The following GRM8 variants were observed in gnomAD, a reference collection of about 807,000 sequenced individuals.
The protein encoded by GRM8 is metabotropic glutamate receptor 8.
Under a neutral mutation model 87.2 loss-of-function variants are expected in GRM8, and 47 were observed. The observed-to-expected ratio is 0.54, with a 90% CI of 0.43 to 0.69. The LOEUF (loss-of-function observed/expected upper bound fraction) is 0.69, where lower values mean the gene tolerates loss of function less well. GRM8 is among the 30% of genes least tolerant of loss of function. The probability of loss-of-function intolerance (pLI) is 0.00; values close to 1 mark genes in which losing one functional copy is unlikely to be tolerated. For synonymous variants in GRM8, 396 were observed against 404.5 expected (o/e 0.98, Z 0.25); for missense variants, 1,019 against 1,139.2 (o/e 0.89, Z 1.52).
At chr7:127,107,371 A>G (rs988872129) in intron 2 of GRM8, among the ~76,000 whole-genome samples, 1 of 152,216 alleles carries the variant, frequency 6.6e-6, no homozygotes, top group African/African-American at 2.4e-5. Flanking sequence ...AATCCAGACC[A>G]TAAATTCTTT....
intron 9 of GRM8, among the ~76,000 whole-genome samples, chr7:126,462,192 C>T (rs1803963519): frequency 6.6e-6 from 1 of 151,114 alleles, no homozygotes; most frequent in African/African-American, 2.4e-5. Flanking sequence ...TGAACTTTTC[C>T]AAGTGTGAAA....
intron 6 of GRM8, among the ~76,000 whole-genome samples, chr7:126,779,850 T>C (rs1311232645): frequency 6.6e-6 from 1 of 152,072 alleles, no homozygotes; most frequent in Non-Finnish European, 1.5e-5. Context: ...CACGGAAAAA[T>C]ATAAAATAGC....
intron 3 of GRM8, among the ~76,000 whole-genome samples, chr7:126,991,636 T>C (rs1812664226): frequency 6.6e-6 from 1 of 151,944 alleles, no homozygotes; most frequent in Admixed American, 6.6e-5. Context: ...CATATGCAAA[T>C]ACTGGGAAAA....
At chr7:126,948,105 G>A (rs569549394) in intron 3 of GRM8, among the ~76,000 whole-genome samples, 4 of 152,148 alleles carry the variant, frequency 2.6e-5, no homozygotes, top group Admixed American at 1.3e-4. Flanking sequence ...ACAGTTCCAA[G>A]ACAAACCTGT....
At chr7:126,854,435 A>C (rs1229502857) in intron 6 of GRM8, among the ~76,000 whole-genome samples, 1 of 152,196 alleles carries the variant, frequency 6.6e-6, no homozygotes, top group African/African-American at 2.4e-5. Context: ...TATGCATCAG[A>C]ATCACCTGGA....
At chr7:127,181,659 T>C (rs955982929) in intron 2 of GRM8, among the ~76,000 whole-genome samples, 1 of 151,928 alleles carries the variant, frequency 6.6e-6, no homozygotes, top group Non-Finnish European at 1.5e-5. Context: ...CATAGACCAG[T>C]GAAACAGGAT....
chr7:127,143,249 T>C lies in GRM8; in HGVS notation c.511-36537A>G, dbSNP rs540508607. 2.6e-5 allele frequency among the ~76,000 whole-genome samples: 4 copies of C among 152,264 alleles called. No homozygotes were observed. The South Asian group carries it at 8.3e-4, about 32-fold the overall frequency. Reference sequence around the variant, plus strand: ...TGAGCTCTTGGTGGATATTTCCTAGTAGTGTAACAGATGGAGAGGATTCAT... The same window carrying C: ...TGAGCTCTTGGTGGATATTTCCTAGCAGTGTAACAGATGGAGAGGATTCAT... On this transcript the variant is annotated intron_variant, in intron 2 of 10. Transcript: ENST00000339582.
At chr7:127,246,236 T>C (rs1042343946) in intron 1 of GRM8, among the ~76,000 whole-genome samples, 1 of 152,264 alleles carries the variant, frequency 6.6e-6, no homozygotes, top group African/African-American at 2.4e-5. Context: ...TTACTTATCT[T>C]GCTCTTGTAC....
intron 3 of GRM8, among the ~76,000 whole-genome samples, chr7:126,989,418 A>T (rs1330814571): frequency 6.6e-6 from 1 of 152,228 alleles, no homozygotes; most frequent in Non-Finnish European, 1.5e-5. Flanking sequence ...ATGCCTGATT[A>T]TTCAAGCTTA....
chr7:126,676,370 A>G (rs537740530), intron 7 of GRM8, among the ~76,000 whole-genome samples: 1 of 152,168 alleles, frequency 6.6e-6, no homozygotes, highest in Non-Finnish European at 1.5e-5. Context: ...GAACTAAAAA[A>G]TATCCTAAAA....
At chr7:126,848,038 A>G (rs1414778669) in intron 6 of GRM8, among the ~76,000 whole-genome samples, 1 of 152,180 alleles carries the variant, frequency 6.6e-6, no homozygotes, top group African/African-American at 2.4e-5. Context: ...CAAGGTAGAA[A>G]TTATCATGGT....
chr7:126,827,098 A>G (rs1485734680), intron 6 of GRM8, among the ~76,000 whole-genome samples: 1 of 152,064 alleles, frequency 6.6e-6, no homozygotes, highest in African/African-American at 2.4e-5. Context: ...TAGCAGTACC[A>G]TGCTGTTTTG....
chr7:126,618,852 A>G (rs1207353065), intron 7 of GRM8, among the ~76,000 whole-genome samples: 2 of 152,218 alleles, frequency 1.3e-5, no homozygotes, highest in Non-Finnish European at 2.9e-5. Context: ...TAGAATGGCG[A>G]TCATTAAAAA....
intron 9 of GRM8, among the ~76,000 whole-genome samples, chr7:126,483,312 T>C (rs1319935676): frequency 6.6e-6 from 1 of 150,442 alleles, no homozygotes; most frequent in African/African-American, 2.4e-5. Flanking sequence ...AAACGTGTTA[T>C]CTGTTACTCA....
In GRM8 at chr7:126,595,197, TTG is replaced by T. The variant is rs952044189; in HGVS notation, c.1494+14163_1494+14164del. On this transcript the variant is annotated intron_variant, in intron 8 of 10. Transcript: ENST00000339582. ...TTAGGTTCAGAGGTACATGTGAAGT[TTG>T]GTTTGTGGATTTTTGTTTTTTTGGT... Among the ~76,000 whole-genome samples the T allele has an allele frequency of 2.8e-4, 42 of 151,936 alleles. 1 individual carries two copies. Among genetic ancestry groups the T allele is most frequent in the African/African-American group, 9.6e-4 (40 of 41,500 alleles).
chr7:126,891,371 T>C (rs936414182), intron 6 of GRM8, among the ~76,000 whole-genome samples: 2 of 151,982 alleles, frequency 1.3e-5, no homozygotes, highest in Non-Finnish European at 1.5e-5. Context: ...CAATACATTA[T>C]CCATACTACA....
chr7:126,733,093 C>T lies in GRM8; in HGVS notation c.1357+36772G>A, dbSNP rs1813793653. Among the ~76,000 whole-genome samples the T allele has an allele frequency of 5.9e-5, 9 of 151,966 alleles. No homozygotes were observed. The South Asian group carries it at 1.9e-3, about 32-fold the overall frequency. ...ACAATTATTCTTCTTCCAATGTGGC[C>T]CAGGGAAGCCAAATGACTGGGCACC... On this transcript the variant is annotated intron_variant, in intron 7 of 10. Coordinates refer to ENST00000339582, the MANE Select transcript of GRM8 (RefSeq NM_000845.3).
chr7:126,835,367 G>A (rs902193933), intron 6 of GRM8, among the ~76,000 whole-genome samples: 2 of 152,148 alleles, frequency 1.3e-5, no homozygotes, highest in Non-Finnish European at 2.9e-5. Flanking sequence ...CTTCTTTAAA[G>A]ATGAGGACCT....
chr7:127,095,446 G>T (rs1824554777), intron 3 of GRM8, among the ~76,000 whole-genome samples: 1 of 152,126 alleles, frequency 6.6e-6, no homozygotes, highest in South Asian at 2.1e-4. Flanking sequence ...CACACTGATT[G>T]CATGTAAGAG....
Sources: gnomAD v4.1 joint callset for allele counts (sites outside exome capture counted in the v4.1 genomes callset) on GRCh38, gnomAD v4.1.1 for gene constraint, MANE v1.5 for transcripts, NCBI Gene and HGNC (gene_info 2026-07-23, HGNC 2026-07-21) for gene names.